Variants in ENOX2 observed in about 807,000 individuals in gnomAD.
ENOX2 encodes the protein ecto-NOX disulfide-thiol exchanger 2.
Under a neutral mutation model 45.0 loss-of-function variants are expected in ENOX2, and 36 were observed. The observed-to-expected ratio is 0.80, with a 90% CI of 0.61 to 1.06. The LOEUF is 1.06. ENOX2 is among the 50% of genes least tolerant of loss of function. The pLI is 0.00. For missense variants in ENOX2, 423 were observed against 462.5 expected, an observed-to-expected ratio of 0.91 and a Z score of 0.78; for synonymous variants, 174 against 152.3, an observed-to-expected ratio of 1.14 and a Z score of -1.05.
chrX:130,698,268 AC>A (rs889206059), intron 4 of ENOX2, among the ~76,000 whole-genome samples: 1 of 111,314 alleles, frequency 9.0e-6, no homozygotes, highest in Non-Finnish European at 1.9e-5. Context: ...ACAATACAGA[AC>A]TCATGCATAT....
At chrX:130,837,479 T>C (rs1236926208) in intron 2 of ENOX2, among the ~76,000 whole-genome samples, 1 of 112,182 alleles carries the variant, frequency 8.9e-6, no homozygotes, top group Non-Finnish European at 1.9e-5. Context: ...CTTTTAACCT[T>C]GATCCCAGTA....
intron 2 of ENOX2, among the ~76,000 whole-genome samples, chrX:130,793,179 A>G (rs765583232): frequency 8.9e-6 from 1 of 112,594 alleles, no homozygotes; most frequent in Non-Finnish European, 1.9e-5. Context: ...GGTGTAGCAC[A>G]TGTTGGACAC....
At position 130,682,583 on chromosome X, in the gene ENOX2, C is replaced by CAAAAAAAAAAAAA. The variant is rs55875735; in HGVS notation, c.254-2848_254-2836dup. On this transcript the variant is annotated intron_variant, in intron 5 of 14. Transcript: ENST00000394363. ...TGGGTGACAGAGCGAGACTCCGTCT[C>CAAAAAAAAAAAAA]AAAAAAAAAAAAAAAAAAAAAAAAA... 4.8e-4 allele frequency among the ~76,000 whole-genome samples: 7 copies of CAAAAAAAAAAAAA among 14,659 alleles called. 2 individuals are homozygous for CAAAAAAAAAAAAA. The highest frequency in any genetic ancestry group is 1.5e-3 in the Admixed American group (1 of 664). 12.7% of individuals were successfully genotyped at this position (14,659 alleles called of 115,157 possible). A position where few individuals can be genotyped will look rare whatever the true frequency, so the allele number is the denominator to read the frequency against.
chrX:130,709,916 GC>G (rs1346362757), intron 3 of ENOX2, among the ~76,000 whole-genome samples: 1 of 109,355 alleles, frequency 9.1e-6, no homozygotes. Context: ...CCCTCTCCTA[GC>G]CCCCCACCCC....
intron 2 of ENOX2, among the ~76,000 whole-genome samples, chrX:130,873,639 C>T (rs1388327105): frequency 3.6e-5 from 4 of 111,699 alleles, no homozygotes; most frequent in African/African-American, 1.3e-4. Flanking sequence ...GACTTGGAAC[C>T]AACACAAATG....
At chrX:130,843,770 T>C (rs2078052701) in intron 2 of ENOX2, among the ~76,000 whole-genome samples, 1 of 112,175 alleles carries the variant, frequency 8.9e-6, no homozygotes, top group African/African-American at 3.2e-5. Flanking sequence ...GAAAGCTATC[T>C]CTAGCCACCT....
intron 10 of ENOX2, among the ~76,000 whole-genome samples, chrX:130,652,785 C>A (rs1299223117): frequency 8.9e-6 from 1 of 112,059 alleles, no homozygotes; most frequent in Non-Finnish European, 1.9e-5. Flanking sequence ...AGGGAGAACA[C>A]CATGTAAACA....
intron 2 of ENOX2, among the ~76,000 whole-genome samples, chrX:130,896,728 A>G (rs1294454101): frequency 8.9e-6 from 1 of 112,012 alleles, no homozygotes; most frequent in African/African-American, 3.2e-5. Context: ...AATTCCTTAT[A>G]AAGAAATATT....
At chrX:130,739,267 G>A (rs901569942) in intron 3 of ENOX2, among the ~76,000 whole-genome samples, 5 of 112,522 alleles carry the variant, frequency 4.4e-5, no homozygotes, top group African/African-American at 1.6e-4. Flanking sequence ...TGAGCCACAC[G>A]ATCACGAGGG....
chrX:130,835,820 T>G (rs1218332012), intron 2 of ENOX2, among the ~76,000 whole-genome samples: 1 of 112,227 alleles, frequency 8.9e-6, no homozygotes, highest in Non-Finnish European at 1.9e-5. Flanking sequence ...TTATGTCACA[T>G]AAATTACCAT....
chrX:130,779,750 T>C (rs1044903220), intron 3 of ENOX2, among the ~76,000 whole-genome samples: 10 of 112,110 alleles, frequency 8.9e-5, no homozygotes, highest in African/African-American at 3.2e-4. Flanking sequence ...GCATCTATTT[T>C]GTGTAAGACA....
intron 2 of ENOX2, among the ~76,000 whole-genome samples, chrX:130,830,585 G>A (rs1320403690): frequency 8.9e-6 from 1 of 112,096 alleles, no homozygotes; most frequent in Non-Finnish European, 1.9e-5. Context: ...TGCTTAGACT[G>A]CAGATGTTCC....
chrX:130,893,686 A>G (rs2079016088), intron 2 of ENOX2, among the ~76,000 whole-genome samples: 1 of 112,509 alleles, frequency 8.9e-6, no homozygotes, highest in African/African-American at 3.2e-5. Flanking sequence ...TTGTTTGGGC[A>G]CAGGTACCTT....
intron 2 of ENOX2, among the ~76,000 whole-genome samples, chrX:130,805,726 T>C (rs2077287842): frequency 9.0e-6 from 1 of 111,524 alleles, no homozygotes; most frequent in Non-Finnish European, 1.9e-5. Context: ...TTCTATCACT[T>C]ATTCTCACTT....
intron 6 of ENOX2, among the ~76,000 whole-genome samples, chrX:130,678,516 T>C (rs939677986): frequency 1.8e-5 from 2 of 108,969 alleles, no homozygotes; most frequent in African/African-American, 6.7e-5. Flanking sequence ...TGCTTGAACA[T>C]ACCAAGTCCA....
At chrX:130,729,085 T>C (rs1295238304) in intron 3 of ENOX2, among the ~76,000 whole-genome samples, 2 of 111,443 alleles carry the variant, frequency 1.8e-5, no homozygotes, top group African/African-American at 3.3e-5. Context: ...CTTGTGATGA[T>C]AGCCTTCAAA....
intron 2 of ENOX2, among the ~76,000 whole-genome samples, chrX:130,893,470 A>G (rs1265347490): frequency 8.9e-6 from 1 of 112,738 alleles, no homozygotes; most frequent in East Asian, 2.8e-4. Flanking sequence ...ATGCCAAAGC[A>G]GTGTCTGAAA....
At chrX:130,630,796 A>G (rs190760102) in intron 13 of ENOX2, among the ~76,000 whole-genome samples, 152 of 111,334 alleles carry the variant, frequency 1.4e-3, no homozygotes, top group African/African-American at 4.8e-3. Flanking sequence ...ATCTATACAG[A>G]GGGCAGTCTT....
chrX:130,891,013 A>G (rs1317042816), intron 2 of ENOX2, among the ~76,000 whole-genome samples: 1 of 111,597 alleles, frequency 9.0e-6, no homozygotes, highest in African/African-American at 3.3e-5. Context: ...GGACCACCCC[A>G]ACTCTTTTAA....
Sources: allele counts gnomAD v4.1 joint callset (sites outside exome capture counted in the v4.1 genomes callset), GRCh38; gene constraint gnomAD v4.1.1; transcripts MANE v1.5; gene names NCBI Gene and HGNC (gene_info 2026-07-23, HGNC 2026-07-21).